Variants in ZNF804B observed in about 807,000 individuals in gnomAD.
The protein encoded by ZNF804B is zinc finger protein 804B.
Under a neutral mutation model 101.4 loss-of-function variants are expected in ZNF804B, and 80 were observed. The ratio of observed to expected loss-of-function variants is 0.79; its 90% CI spans 0.66 to 0.95. ZNF804B has a LOEUF of 0.95. Among genes scored for constraint, ZNF804B ranks in the 40% least tolerant of loss-of-function variants. The pLI, the probability that ZNF804B is intolerant of heterozygous loss-of-function variation, is 0.00. For synonymous variants in ZNF804B, 622 were observed against 558.8 expected, an observed-to-expected ratio of 1.11 and a Z score of -1.59; for missense variants, 1,673 against 1,561.9, an observed-to-expected ratio of 1.07 and a Z score of -1.20.
intron 2 of ZNF804B, among the ~76,000 whole-genome samples, chr7:89,280,910 G>T (rs1482019471): frequency 1.3e-5 from 2 of 152,066 alleles, no homozygotes; most frequent in African/African-American, 4.8e-5. Flanking sequence ...TTTTATAAAG[G>T]AGTTTTTTTC....
chr7:89,072,299 C>T (rs1006527877), intron 1 of ZNF804B, among the ~76,000 whole-genome samples: 37 of 152,152 alleles, frequency 2.4e-4, no homozygotes, highest in African/African-American at 8.2e-4. Flanking sequence ...AATGGTTTGG[C>T]TCACTGCCAC....
chr7:88,790,358 C>G (rs1790363255), intron 1 of ZNF804B, among the ~76,000 whole-genome samples: 1 of 151,964 alleles, frequency 6.6e-6, no homozygotes, highest in Non-Finnish European at 1.5e-5. Context: ...TTTGCTGCAC[C>G]TGTCTTCCCA....
At chr7:88,843,100 A>G (rs1791312137) in intron 1 of ZNF804B, among the ~76,000 whole-genome samples, 1 of 152,282 alleles carries the variant, frequency 6.6e-6, no homozygotes, top group East Asian at 1.9e-4. Context: ...AAGCTGAGGA[A>G]TGCTTTGTAG....
At chr7:89,144,745 G>C (rs62461909) in intron 1 of ZNF804B, among the ~76,000 whole-genome samples, 12,561 of 151,980 alleles carry the variant, frequency 0.083, 550 homozygotes, top group South Asian at 0.091. Flanking sequence ...TTGTTAATTA[G>C]CTTGATTTAA....
intron 1 of ZNF804B, among the ~76,000 whole-genome samples, chr7:88,926,772 T>C (rs945458267): frequency 1.3e-5 from 2 of 152,158 alleles, no homozygotes; most frequent in African/African-American, 4.8e-5. Context: ...ACATACATGA[T>C]GCCAGCTGCT....
chr7:89,143,429 G>A (rs557088659), intron 1 of ZNF804B, among the ~76,000 whole-genome samples: 30 of 151,812 alleles, frequency 2.0e-4, no homozygotes, highest in South Asian at 2.1e-4. Flanking sequence ...TTTCTTACCC[G>A]CTCCCAGCTT....
intron 1 of ZNF804B, among the ~76,000 whole-genome samples, chr7:88,959,051 AT>A (rs1171819250): frequency 6.6e-6 from 1 of 151,392 alleles, no homozygotes. Flanking sequence ...TGCCTCATGC[AT>A]TCAGCTTTTT....
At chr7:88,787,367 C>T (rs925774351) in intron 1 of ZNF804B, among the ~76,000 whole-genome samples, 1 of 152,014 alleles carries the variant, frequency 6.6e-6, no homozygotes, top group Non-Finnish European at 1.5e-5. Flanking sequence ...TGTGAATTTA[C>T]CTGTTAACCA....
chr7:89,115,741 G>T (rs1790300782), intron 1 of ZNF804B, among the ~76,000 whole-genome samples: 1 of 152,092 alleles, frequency 6.6e-6, no homozygotes, highest in Non-Finnish European at 1.5e-5. Flanking sequence ...AAAAGGTTGT[G>T]CAATGAACTT....
At chr7:89,017,708 T>C (rs185043869) in intron 1 of ZNF804B, among the ~76,000 whole-genome samples, 1 of 152,296 alleles carries the variant, frequency 6.6e-6, no homozygotes, top group African/African-American at 2.4e-5. Flanking sequence ...ATCAGTGTTG[T>C]ATCATTTTTC....
intron 1 of ZNF804B, among the ~76,000 whole-genome samples, chr7:89,047,919 T>C (rs1789136465): frequency 6.6e-6 from 1 of 151,748 alleles, no homozygotes; most frequent in Non-Finnish European, 1.5e-5. Context: ...CCTTTGGATA[T>C]AGAGCCTTTT....
At chr7:88,794,496 T>G (rs1586905366) in intron 1 of ZNF804B, 5 of 1,613,878 alleles carry the variant, frequency 3.1e-6, no homozygotes, top group East Asian at 4.5e-5. Context: ...CTTTTATCAC[T>G]GAAACATGCC....
At chr7:89,116,533 T>C (rs374517196) in intron 1 of ZNF804B, among the ~76,000 whole-genome samples, 3 of 152,186 alleles carry the variant, frequency 2.0e-5, no homozygotes, top group East Asian at 3.9e-4. Flanking sequence ...TGCATAGCTT[T>C]GAAATATAAT....
intron 1 of ZNF804B, among the ~76,000 whole-genome samples, chr7:89,206,207 T>C (rs1209625664): frequency 3.3e-5 from 5 of 152,206 alleles, no homozygotes; most frequent in Non-Finnish European, 5.9e-5. Flanking sequence ...CCTAGGTCTT[T>C]GGGCCTGTGA....
At chr7:89,281,907 G>A (rs965360406) in intron 2 of ZNF804B, among the ~76,000 whole-genome samples, 19 of 152,206 alleles carry the variant, frequency 1.2e-4, no homozygotes, top group African/African-American at 4.6e-4. Context: ...TGTGGCCCTG[G>A]GGTAGGCTTT....
intron 2 of ZNF804B, among the ~76,000 whole-genome samples, chr7:89,221,686 C>T (rs1039631006): frequency 5.3e-5 from 7 of 131,906 alleles, no homozygotes; most frequent in African/African-American, 2.0e-4. Context: ...CAACCTTCCT[C>T]AATATTTCTA....
chr7:88,967,716 C>CAA (rs3034332), intron 1 of ZNF804B, among the ~76,000 whole-genome samples: 26 of 125,406 alleles, frequency 2.1e-4, no homozygotes, highest in African/African-American at 4.7e-4. Flanking sequence ...ATTGAAAAAG[C>CAA]AAAAAAAAAA....
chr7:89,038,273 A>G (rs562895074), intron 1 of ZNF804B, among the ~76,000 whole-genome samples: 1 of 152,224 alleles, frequency 6.6e-6, no homozygotes, highest in Admixed American at 6.6e-5. Flanking sequence ...ACTAATTTAC[A>G]TTTCTACCAA....
At chr7:89,120,783 A>G (rs1790393013) in intron 1 of ZNF804B, among the ~76,000 whole-genome samples, 1 of 152,096 alleles carries the variant, frequency 6.6e-6, no homozygotes, top group South Asian at 2.1e-4. Flanking sequence ...AGAAGATACT[A>G]CTTTTTAATT....
Sources: gnomAD v4.1 joint callset for allele counts (sites outside exome capture counted in the v4.1 genomes callset) on GRCh38, gnomAD v4.1.1 for gene constraint, MANE v1.5 for transcripts, NCBI Gene and HGNC (gene_info 2026-07-23, HGNC 2026-07-21) for gene names.